RAP1GAP2: variants seen among roughly 807,000 people sequenced by gnomAD.
RAP1GAP2 encodes the protein rap1 GTPase-activating protein 2.
In RAP1GAP2, 27 loss-of-function variants were observed where a neutral mutation model predicts 95.0. That is an observed-to-expected ratio of 0.28 (90% confidence interval 0.21 to 0.39). The LOEUF is 0.39. RAP1GAP2 is among the 10% of genes least tolerant of loss of function. The pLI, the probability that RAP1GAP2 is intolerant of heterozygous loss-of-function variation, is 1.00. For synonymous variants in RAP1GAP2, 373 were observed against 380.9 expected, an observed-to-expected ratio of 0.98 and a Z score of 0.24; for missense variants, 771 against 970.0, an observed-to-expected ratio of 0.79 and a Z score of 2.72.
At chr17:2,976,491 A>G (rs2045127410) in intron 8 of RAP1GAP2, among the ~76,000 whole-genome samples, 1 of 152,204 alleles carries the variant, frequency 6.6e-6, no homozygotes, top group African/African-American at 2.4e-5. Context: ...AGAACTGACA[A>G]AATATTTAGA....
At chr17:2,961,189 C>G (rs1296083279) in intron 4 of RAP1GAP2, among the ~76,000 whole-genome samples, 2 of 151,080 alleles carry the variant, frequency 1.3e-5, no homozygotes, top group Non-Finnish European at 2.9e-5. Flanking sequence ...TGCACTCCAG[C>G]CTGGGCAACA....
At chr17:2,822,636 T>A (rs9896115) in intron 2 of RAP1GAP2, among the ~76,000 whole-genome samples, 1 of 120,630 alleles carries the variant, frequency 8.3e-6, no homozygotes, top group South Asian at 3.0e-4. Flanking sequence ...TGTTTTTTTT[T>A]TTTTTTTTTT....
chr17:3,019,937 C>G (rs1394118413), intron 18 of RAP1GAP2, among the ~76,000 whole-genome samples: 4 of 152,266 alleles, frequency 2.6e-5, no homozygotes, highest in Admixed American at 2.6e-4. Context: ...GTCTTGGCTG[C>G]CGCCAACCGC....
At position 2,760,833 on chromosome 17, in the gene RAP1GAP2, AT is replaced by A. The variant is rs558462977; in HGVS notation, c.50+5070del. 3.4e-4 allele frequency among the ~76,000 whole-genome samples: 52 copies of A among 152,082 alleles called. 1 individual carries two copies. The highest frequency in any genetic ancestry group is 5.7e-4 in the Non-Finnish European group (39 of 68,008). On this transcript the variant is annotated intron_variant, in intron 1 of 25. Transcript: ENST00000637138. ...ACAGTTTTTGAGGAGTACTGCTCAT[AT>A]TTTGTAGATTGCCACTCACTCAGTT...
chr17:2,810,587 A>G (rs1398547419), intron 2 of RAP1GAP2, among the ~76,000 whole-genome samples: 1 of 129,372 alleles, frequency 7.7e-6, no homozygotes, highest in Non-Finnish European at 1.5e-5. Flanking sequence ...CTAGAGTGCA[A>G]TGGTACGATC....
intron 3 of RAP1GAP2, among the ~76,000 whole-genome samples, chr17:2,915,449 G>A (rs1207960122): frequency 6.6e-6 from 1 of 151,920 alleles, no homozygotes; most frequent in African/African-American, 2.4e-5. Flanking sequence ...TGCCCAGGCT[G>A]GTCTTGAACT....
At chr17:2,998,947 A>G (rs1056563199) in intron 14 of RAP1GAP2, among the ~76,000 whole-genome samples, 1 of 152,196 alleles carries the variant, frequency 6.6e-6, no homozygotes, top group African/African-American at 2.4e-5. Flanking sequence ...AAAGAAAAAA[A>G]TGTTGATGGT....
intron 12 of RAP1GAP2, 133 bp from the exon 13 acceptor site, chr17:2,995,204 C>G: frequency 1.8e-6 from 2 of 1,110,848 alleles, no homozygotes; most frequent in Non-Finnish European, 1.3e-6. Context: ...ACATCACAGC[C>G]TGCTCTGCCC....
intron 3 of RAP1GAP2, among the ~76,000 whole-genome samples, chr17:2,938,988 A>AAAAAC (rs1002230157): frequency 3.9e-5 from 6 of 152,224 alleles, no homozygotes; most frequent in Admixed American, 1.3e-4. Flanking sequence ...CTCCGTCTCA[A>AAAAAC]AAAACAAAAC....
chr17:2,949,469 A>C (rs1432221809), intron 3 of RAP1GAP2, among the ~76,000 whole-genome samples: 2 of 151,710 alleles, frequency 1.3e-5, no homozygotes, highest in Admixed American at 6.6e-5. Context: ...CTGAGCATTA[A>C]CTGAGTGCCT....
intron 18 of RAP1GAP2, among the ~76,000 whole-genome samples, chr17:3,020,203 T>A (rs950048964): frequency 1.3e-5 from 2 of 152,178 alleles, no homozygotes; most frequent in East Asian, 3.9e-4. Context: ...CTCAATTTGG[T>A]GGGCCTGGCC....
chr17:2,957,737 TCC>T lies in RAP1GAP2; in HGVS notation c.166-18_166-17del, dbSNP rs755340748. The T allele has an allele frequency of 9.4e-5, 151 of 1,603,690 alleles. No individual in the cohort carries two copies. Among genetic ancestry groups the T allele is most frequent in the Non-Finnish European group, 1.2e-4 (143 of 1,174,624 alleles). On this transcript the variant is annotated intron_variant, in intron 3 of 24. Transcript: ENST00000254695. ...CTCCCGGCTGATCCCTGTCTTTCTG[TCC>T]CCCTGCTTTTGTCTTTCAGTCGTCG...
At chr17:2,885,279 G>A (rs550678142) in intron 2 of RAP1GAP2, among the ~76,000 whole-genome samples, 5 of 152,138 alleles carry the variant, frequency 3.3e-5, no homozygotes, top group East Asian at 3.9e-4. Flanking sequence ...TGATCCACCC[G>A]CCTCGGCCTC....
At chr17:3,021,602 T>C (rs1322235395) in intron 19 of RAP1GAP2, among the ~76,000 whole-genome samples, 1 of 152,162 alleles carries the variant, frequency 6.6e-6, no homozygotes, top group Non-Finnish European at 1.5e-5. Flanking sequence ...CACCGGCTAA[T>C]TTTTGTAATT....
At chr17:2,780,770 T>C (rs1006782527) in intron 1 of RAP1GAP2, among the ~76,000 whole-genome samples, 3 of 152,200 alleles carry the variant, frequency 2.0e-5, no homozygotes, top group Admixed American at 2.0e-4. Flanking sequence ...TTTTAATAAG[T>C]TTAATGAAAA....
Position 2,841,181 on chromosome 17 carries a change from A to G in RAP1GAP2, c.80+40631A>G, listed in dbSNP as rs561332114. 1.4e-4 allele frequency among the ~76,000 whole-genome samples: 22 copies of G among 152,246 alleles called. No individual in the cohort carries two copies. The South Asian group carries it at 4.4e-3, about 30-fold the overall frequency. ...AAAAACAAACAAACAAACAATAAAAAACATGAAGTCTTTATAATATTAATT... is the reference window on the plus strand; with the variant it reads ...AAAAACAAACAAACAAACAATAAAAGACATGAAGTCTTTATAATATTAATT... On this transcript the variant is annotated intron_variant, in intron 2 of 24. Transcript: ENST00000254695.
At chr17:2,758,250 A>C (rs1228475366) in intron 1 of RAP1GAP2, among the ~76,000 whole-genome samples, 4 of 130,922 alleles carry the variant, frequency 3.1e-5, no homozygotes, top group African/African-American at 1.2e-4. Flanking sequence ...ATCTTGGCTT[A>C]CTGCAACCTG....
intron 8 of RAP1GAP2, among the ~76,000 whole-genome samples, chr17:2,977,036 C>G (rs189148845): frequency 4.7e-5 from 7 of 149,738 alleles, no homozygotes; most frequent in African/African-American, 1.7e-4. Context: ...ACTCGGGAGG[C>G]GGAGGCAGGA....
At chr17:2,863,187 C>A (rs1293916612) in intron 2 of RAP1GAP2, among the ~76,000 whole-genome samples, 2 of 151,896 alleles carry the variant, frequency 1.3e-5, no homozygotes, top group East Asian at 3.9e-4. Flanking sequence ...CTCGAAGAAT[C>A]CAAGCTCATT....
Sources: gnomAD v4.1 joint callset for allele counts (sites outside exome capture counted in the v4.1 genomes callset) on GRCh38, gnomAD v4.1.1 for gene constraint, MANE v1.5 for transcripts, NCBI Gene and HGNC (gene_info 2026-07-23, HGNC 2026-07-21) for gene names.